Variants in DOCK3 observed in about 807,000 individuals in gnomAD.
DOCK3 encodes the protein dedicator of cytokinesis 3.
In DOCK3, 60 loss-of-function variants were observed where a neutral mutation model predicts 265.6. The ratio of observed to expected loss-of-function variants is 0.23; its 90% CI spans 0.18 to 0.28. DOCK3 has a LOEUF of 0.28. Among genes scored for constraint, DOCK3 ranks in the 10% least tolerant of loss-of-function variants. The pLI, the probability that DOCK3 is intolerant of heterozygous loss-of-function variation, is 1.00. For synonymous variants in DOCK3, 881 were observed against 938.0 expected (o/e 0.94, Z 1.11); for missense variants, 1,981 against 2,594.3 (o/e 0.76, Z 5.14).
chr3:51,086,015 A>G (rs766199640), intron 7 of DOCK3, among the ~76,000 whole-genome samples: 14 of 152,214 alleles, frequency 9.2e-5, no homozygotes, highest in Non-Finnish European at 1.6e-4. Context: ...ACACAGAAAT[A>G]TAGAGGTGTG....
chr3:51,166,342 T>A (rs1393965827), intron 12 of DOCK3, among the ~76,000 whole-genome samples: 3 of 152,168 alleles, frequency 2.0e-5, no homozygotes, highest in African/African-American at 7.2e-5. Context: ...TGAGTCACCA[T>A]GCCTGGCCTA....
chr3:51,121,292 C>G (rs185769701), intron 9 of DOCK3, among the ~76,000 whole-genome samples: 1 of 152,320 alleles, frequency 6.6e-6, no homozygotes, highest in Admixed American at 6.5e-5. Context: ...ATGCCCCACT[C>G]TGCTTCTGCT....
chr3:50,717,245 A>G (rs2037173439), intron 1 of DOCK3, among the ~76,000 whole-genome samples: 1 of 152,220 alleles, frequency 6.6e-6, no homozygotes. Flanking sequence ...CACTTGTGCA[A>G]ATATACCTGT....
At chr3:51,276,463 C>A (rs58236908) in intron 25 of DOCK3, 1 of 983,570 alleles carries the variant, frequency 1.0e-6, no homozygotes, top group African/African-American at 1.8e-5. Context: ...TTGGAGGTGA[C>A]GGTTTGGTTG....
chr3:50,765,143 G>A (rs1019948609), intron 1 of DOCK3, among the ~76,000 whole-genome samples: 1 of 136,450 alleles, frequency 7.3e-6, no homozygotes. Flanking sequence ...GTGCAGTGGC[G>A]CAATCTCGGC....
At chr3:51,305,992 A>C (rs1319817738) in intron 27 of DOCK3, among the ~76,000 whole-genome samples, 2 of 146,298 alleles carry the variant, frequency 1.4e-5, no homozygotes, top group South Asian at 2.2e-4. Flanking sequence ...TGTGCACACC[A>C]CCACACCAGC....
chr3:51,230,411 G>A (rs2090495400), intron 19 of DOCK3, among the ~76,000 whole-genome samples: 1 of 152,106 alleles, frequency 6.6e-6, no homozygotes, highest in South Asian at 2.1e-4. Context: ...AGAATAATGA[G>A]CTCCAGCTGC....
chr3:51,369,058 C>A (rs1264578766), intron 49 of DOCK3, among the ~76,000 whole-genome samples: 2 of 152,166 alleles, frequency 1.3e-5, no homozygotes, highest in Non-Finnish European at 2.9e-5. Flanking sequence ...TATCAAAGAC[C>A]AAAGGTAGAT....
intron 9 of DOCK3, among the ~76,000 whole-genome samples, chr3:51,142,568 AGTTT>A (rs1489951729): frequency 6.6e-6 from 1 of 152,022 alleles, no homozygotes; most frequent in African/African-American, 2.4e-5. Context: ...ACATCCCAGT[AGTTT>A]GTTTTTTAAA....
chr3:50,691,840 A>T (rs114026105), intron 1 of DOCK3, among the ~76,000 whole-genome samples: 1,707 of 150,598 alleles, frequency 0.011, 29 homozygotes, highest in African/African-American at 0.04. Flanking sequence ...TCATGTGCTT[A>T]TTGGCCATTT....
chr3:50,920,456 T>C (rs770659575), intron 4 of DOCK3, among the ~76,000 whole-genome samples: 51 of 152,230 alleles, frequency 3.4e-4, no homozygotes, highest in Non-Finnish European at 6.6e-4. Context: ...GGGATTCACC[T>C]TCTTCCTGGT....
At chr3:50,971,670 C>G (rs1306674129) in intron 5 of DOCK3, among the ~76,000 whole-genome samples, 1 of 151,948 alleles carries the variant, frequency 6.6e-6, no homozygotes, top group Non-Finnish European at 1.5e-5. Flanking sequence ...GAGGCAGAAG[C>G]AGATGTGTAT....
chr3:51,277,565 C>G, intron 25 of DOCK3, 43 bp from the exon 26 acceptor site: 1 of 1,494,318 alleles, frequency 6.7e-7, no homozygotes, highest in Non-Finnish European at 8.9e-7. Flanking sequence ...GTACTTCAGC[C>G]TGGCTTGCTG....
In DOCK3 at chr3:51,260,332, C is replaced by T; in HGVS notation, c.2355+6C>T. 6.2e-7 allele frequency: 1 copy of T among 1,612,378 alleles called. No homozygotes were observed. Among genetic ancestry groups the T allele is most frequent in the Non-Finnish European group, 8.5e-7 (1 of 1,179,164 alleles). ...AAACACTCCTTTTTACTCAGGTTCG[C>T]ACACTGCAGGGAAGCTTTGATGCTG... On this transcript the variant is annotated splice_donor_region_variant and intron_variant, in intron 23 of 52. Transcript: ENST00000266037.
Position 51,275,164 on chromosome 3 carries a change from G to C in DOCK3, c.2634G>C (p.Gly878=), listed in dbSNP as rs757907960. The stretch of plus-strand genomic sequence containing the variant: ...AGAAAGAGCTGCTAATTTGCTCAGG[G>C]ATTCTTGGCAGCATCTTCTCCATCG... ...RQQKELLICS[G]ILGSIFSIVK... The change falls in exon 25 of 53, where the codon GGG becomes GGC. Residue 878 remains glycine, a synonymous_variant. Coordinates refer to ENST00000266037, the MANE Select transcript of DOCK3 (RefSeq NM_004947.5). 1 of 1,613,994 alleles carries C rather than the reference G, an allele frequency of 6.2e-7. No homozygotes were observed. Among genetic ancestry groups the C allele is most frequent in the South Asian group, 1.1e-5 (1 of 91,080 alleles).
intron 4 of DOCK3, among the ~76,000 whole-genome samples, chr3:50,916,227 G>GT (rs2050114755): frequency 6.6e-6 from 1 of 151,958 alleles, no homozygotes; most frequent in African/African-American, 2.4e-5. Flanking sequence ...AACTGTCCAG[G>GT]GTGTTAATGT....
intron 1 of DOCK3, among the ~76,000 whole-genome samples, chr3:50,773,650 A>G (rs1485986002): frequency 1.3e-5 from 2 of 152,088 alleles, no homozygotes; most frequent in African/African-American, 4.8e-5. Flanking sequence ...TGCTTATGCA[A>G]TTCATTGTAG....
intron 19 of DOCK3, among the ~76,000 whole-genome samples, 163 bp downstream of exon 19, chr3:51,229,772 T>G (rs2090469780): frequency 6.6e-6 from 1 of 152,224 alleles, no homozygotes; most frequent in Admixed American, 6.5e-5. Context: ...GGTATGCTTT[T>G]ATTTTTTATT....
chr3:51,176,176 A>G (rs561644870), intron 12 of DOCK3, among the ~76,000 whole-genome samples: 1 of 152,362 alleles, frequency 6.6e-6, no homozygotes, highest in South Asian at 2.1e-4. Flanking sequence ...TGCAGGAGTG[A>G]GAAATTAACA....
Sources: allele counts gnomAD v4.1 joint callset (sites outside exome capture counted in the v4.1 genomes callset), GRCh38; gene constraint gnomAD v4.1.1; transcripts MANE v1.5; gene names NCBI Gene and HGNC (gene_info 2026-07-23, HGNC 2026-07-21).